Variants in MED13L observed in about 807,000 individuals in gnomAD.
MED13L encodes the protein mediator of RNA polymerase II transcription subunit 13-like.
MED13L carries 7 observed loss-of-function variants against 220.9 expected under a neutral mutation model. The observed-to-expected ratio is 0.03, with a 90% confidence interval of 0.02 to 0.06. The LOEUF is 0.06. Ranked by LOEUF, MED13L falls within the 10% of genes least tolerant of loss-of-function variation. The pLI, the probability that MED13L is intolerant of heterozygous loss-of-function variation, is 1.00. For synonymous variants in MED13L, 1,011 were observed against 1,015.2 expected (o/e 1.00, Z 0.08); for missense variants, 1,965 against 2,760.5 (o/e 0.71, Z 6.46).
intron 2 of MED13L, among the ~76,000 whole-genome samples, chr12:116,137,049 G>A (rs1876619765): frequency 6.6e-6 from 1 of 152,136 alleles, no homozygotes; most frequent in African/African-American, 2.4e-5. Flanking sequence ...TTCCAACTCT[G>A]TCTTTACATG....
At chr12:116,250,489 C>A (rs941001018) in intron 1 of MED13L, among the ~76,000 whole-genome samples, 1 of 151,222 alleles carries the variant, frequency 6.6e-6, no homozygotes, top group Non-Finnish European at 1.5e-5. Context: ...CTCGGCCGGG[C>A]ATGGTGGCTC....
At chr12:116,155,442 A>C (rs1396299199) in intron 2 of MED13L, among the ~76,000 whole-genome samples, 1 of 152,092 alleles carries the variant, frequency 6.6e-6, no homozygotes, top group Non-Finnish European at 1.5e-5. Context: ...CGTTCTCTTT[A>C]ATGTTCTGAA....
At chr12:116,203,862 G>A (rs1213945017) in intron 2 of MED13L, among the ~76,000 whole-genome samples, 1 of 152,080 alleles carries the variant, frequency 6.6e-6, no homozygotes, top group Admixed American at 6.5e-5. Context: ...AAAAGTCATC[G>A]AGGAATCACT....
chr12:115,992,605 T>C (rs1878137759), intron 16 of MED13L, among the ~76,000 whole-genome samples: 1 of 152,238 alleles, frequency 6.6e-6, no homozygotes, highest in Non-Finnish European at 1.5e-5. Flanking sequence ...TTACCAGTAC[T>C]ATACTACAAC....
In MED13L at chr12:116,233,945, T is replaced by A. The variant is rs115776465; in HGVS notation, c.310+3523A>T. Among the ~76,000 whole-genome samples the A allele has an allele frequency of 1.6e-3, 243 of 152,314 alleles. 1 individual carries two copies. Among genetic ancestry groups the A allele is most frequent in the African/African-American group, 5.5e-3 (229 of 41,556 alleles). ...ATGTCAAGCAATTAAACAAAAAGTA[T>A]AATATCATAAAACTAACTTGTGTGT... is the stretch of plus-strand genomic sequence containing the variant. On this transcript the variant is annotated intron_variant, in intron 2 of 30. Coordinates refer to ENST00000281928, the MANE Select transcript of MED13L (RefSeq NM_015335.5).
chr12:116,152,712 T>C (rs1002018160), intron 2 of MED13L, among the ~76,000 whole-genome samples: 1 of 152,188 alleles, frequency 6.6e-6, no homozygotes, highest in Non-Finnish European at 1.5e-5. Flanking sequence ...AATGTGAGTA[T>C]TGCAGTATGA....
At chr12:116,272,976 A>G (rs1445149145) in intron 1 of MED13L, among the ~76,000 whole-genome samples, 2 of 152,230 alleles carry the variant, frequency 1.3e-5, no homozygotes, top group East Asian at 3.8e-4. Flanking sequence ...TGCTAAACCG[A>G]AAACATACAT....
At chr12:116,217,105 C>T (rs759506282) in intron 2 of MED13L, among the ~76,000 whole-genome samples, 7 of 152,172 alleles carry the variant, frequency 4.6e-5, no homozygotes, top group African/African-American at 7.2e-5. Flanking sequence ...AAGACCCTAA[C>T]CCAATTGTGC....
intron 2 of MED13L, among the ~76,000 whole-genome samples, chr12:116,162,833 T>A (rs1691475745): frequency 6.6e-6 from 1 of 152,218 alleles, no homozygotes; most frequent in Admixed American, 6.5e-5. Context: ...GTCTTAACAT[T>A]TTAAATGGTA....
At chr12:116,017,865 C>G (rs1879821020) in intron 7 of MED13L, among the ~76,000 whole-genome samples, 1 of 152,040 alleles carries the variant, frequency 6.6e-6, no homozygotes, top group African/African-American at 2.4e-5. Context: ...ATCCACCTGC[C>G]ATGACTTTCC....
intron 2 of MED13L, among the ~76,000 whole-genome samples, chr12:116,207,553 A>C (rs371644890): frequency 1.3e-5 from 2 of 152,238 alleles, no homozygotes; most frequent in East Asian, 3.8e-4. Context: ...CAACAAAAAA[A>C]GAGTTAGCAT....
chr12:116,006,579 G>T (rs1432784428), intron 11 of MED13L, among the ~76,000 whole-genome samples, 168 bp from the exon 12 acceptor site: 1 of 152,174 alleles, frequency 6.6e-6, no homozygotes, highest in Non-Finnish European at 1.5e-5. Context: ...CCTTTCTCTG[G>T]AATTTCAACA....
At chr12:116,245,161 G>A (rs1344551967) in intron 1 of MED13L, among the ~76,000 whole-genome samples, 1 of 152,104 alleles carries the variant, frequency 6.6e-6, no homozygotes, top group African/African-American at 2.4e-5. Context: ...AGGGCATTTG[G>A]TGAAATATAT....
intron 4 of MED13L, among the ~76,000 whole-genome samples, chr12:116,096,312 A>G (rs1250853746): frequency 2.3e-5 from 3 of 132,568 alleles, no homozygotes; most frequent in African/African-American, 8.3e-5. Flanking sequence ...CCAAGATGGC[A>G]CCACTGTACT....
intron 13 of MED13L, among the ~76,000 whole-genome samples, chr12:116,005,486 G>C (rs564031810): frequency 6.6e-6 from 1 of 152,238 alleles, no homozygotes; most frequent in South Asian, 2.1e-4. Flanking sequence ...AAAAAGTTAT[G>C]TGGGCATTAC....
chr12:116,102,696 TCTTTTTC>T (rs149458297), intron 3 of MED13L, among the ~76,000 whole-genome samples: 3 of 103,062 alleles, frequency 2.9e-5, no homozygotes, highest in South Asian at 3.5e-4. Flanking sequence ...ATTTTCTTTT[TCTTTTTC>T]TTTTTTCTTT....
chr12:116,024,430 GA>G, intron 4 of MED13L, among the ~76,000 whole-genome samples: 1 of 152,242 alleles, frequency 6.6e-6, no homozygotes, highest in African/African-American at 2.4e-5. Flanking sequence ...AAGAACAAAT[GA>G]AAATTTGAGA....
intron 4 of MED13L, among the ~76,000 whole-genome samples, chr12:116,037,075 A>G (rs1423996532): frequency 6.6e-6 from 1 of 152,210 alleles, no homozygotes; most frequent in Non-Finnish European, 1.5e-5. Context: ...ATTACTACTA[A>G]ATCACCATTA....
At chr12:115,979,957 A>C (rs1394934706) in intron 23 of MED13L, among the ~76,000 whole-genome samples, 3 of 152,198 alleles carry the variant, frequency 2.0e-5, no homozygotes, top group Admixed American at 6.5e-5. Context: ...TAAAAGATGG[A>C]GTGAAAATGC....
Sources: allele counts gnomAD v4.1 joint callset (sites outside exome capture counted in the v4.1 genomes callset), GRCh38; gene constraint gnomAD v4.1.1; transcripts MANE v1.5; gene names NCBI Gene and HGNC (gene_info 2026-07-23, HGNC 2026-07-21).